WDR7: variants seen among roughly 807,000 people sequenced by gnomAD.
The protein encoded by WDR7 is WD repeat-containing protein 7.
WDR7 carries 46 observed loss-of-function variants against 169.4 expected under a neutral mutation model. The ratio of observed to expected loss-of-function variants is 0.27; its 90% CI spans 0.21 to 0.35. WDR7 has a LOEUF of 0.35. WDR7 is among the 10% of genes least tolerant of loss of function. WDR7 has a pLI of 1.00. For missense variants in WDR7, 1,534 were observed against 1,859.3 expected, an observed-to-expected ratio of 0.83 and a Z score of 3.22; for synonymous variants, 612 against 666.8, an observed-to-expected ratio of 0.92 and a Z score of 1.27.
chr18:56,759,552 A>C (rs372250464), intron 16 of WDR7, among the ~76,000 whole-genome samples: 1 of 152,196 alleles, frequency 6.6e-6, no homozygotes, highest in Non-Finnish European at 1.5e-5. Flanking sequence ...ATGTATCTGC[A>C]TATATCTTTT....
intron 20 of WDR7, among the ~76,000 whole-genome samples, chr18:56,818,323 AGATAGCATTACAGTATAT>A (rs1428920742): frequency 6.6e-6 from 1 of 152,262 alleles, no homozygotes; most frequent in Admixed American, 6.5e-5. Context: ...CAAAGTCATG[AGATAGCATTACAGTATAT>A]GATTTTTTAA....
chr18:56,795,401 T>G (rs778081509), intron 19 of WDR7, among the ~76,000 whole-genome samples: 1 of 152,218 alleles, frequency 6.6e-6, no homozygotes, highest in Non-Finnish European at 1.5e-5. Flanking sequence ...TCACTGTTGC[T>G]TGCCTTTTTG....
chr18:56,838,465 A>T (rs1244649044), intron 20 of WDR7, among the ~76,000 whole-genome samples: 1 of 152,234 alleles, frequency 6.6e-6, no homozygotes, highest in African/African-American at 2.4e-5. Flanking sequence ...TATGGACACA[A>T]AATCTTTAGT....
chr18:56,890,490 C>T (rs766637806), intron 21 of WDR7, among the ~76,000 whole-genome samples: 22 of 152,110 alleles, frequency 1.4e-4, no homozygotes, highest in Non-Finnish European at 2.5e-4. Flanking sequence ...ACGACAATGC[C>T]ACAGAATTGC....
At chr18:56,719,571 A>ACAACAACAAC (rs1369335558) in intron 13 of WDR7, among the ~76,000 whole-genome samples, 1 of 146,856 alleles carries the variant, frequency 6.8e-6, no homozygotes, top group Admixed American at 6.6e-5. Flanking sequence ...CAAAAAAAAA[A>ACAACAACAAC]AAAAAAAACA....
chr18:56,682,957 T>C, intron 5 of WDR7, 104 bp downstream of exon 5: 1 of 1,250,042 alleles, frequency 8.0e-7, no homozygotes, highest in Non-Finnish European at 1.1e-6. Flanking sequence ...GGATATATTC[T>C]TCTATGTAAG....
At chr18:56,997,246 A>G (rs1272860123) in intron 26 of WDR7, among the ~76,000 whole-genome samples, 1 of 152,234 alleles carries the variant, frequency 6.6e-6, no homozygotes, top group Non-Finnish European at 1.5e-5. Context: ...CTATGATTTG[A>G]TCAATAATCT....
chr18:56,782,896 T>C (rs2044341007), intron 19 of WDR7, among the ~76,000 whole-genome samples: 1 of 152,164 alleles, frequency 6.6e-6, no homozygotes, highest in South Asian at 2.1e-4. Flanking sequence ...ATAATAGGAC[T>C]TTATAGGGTT....
In WDR7 at chr18:56,686,961, C is replaced by G. The variant is rs374209553; in HGVS notation, c.704C>G (p.Ser235Cys). 55 of 1,608,900 alleles carry G rather than the reference C, an allele frequency of 3.4e-5. No homozygotes were observed. Among genetic ancestry groups the G allele is most frequent in the Non-Finnish European group, 4.5e-5 (53 of 1,176,770 alleles). Residue 235 changes from serine to cysteine, a missense_variant, in exon 7 of 28, where the codon TCC becomes TGC. Ser to Cys is a moderately radical substitution (Grantham distance 112). Transcript: ENST00000254442. ...CAAAGGTCACTTTTGGTTGTGTGTT[C>G]CAAATATTGGAGGGTAAGATAATTA... The part of the protein sequence containing the change: ...FTQRSLLVVC[S>C]KYWRVFDAGD...
intron 14 of WDR7, among the ~76,000 whole-genome samples, chr18:56,734,231 A>G (rs1394563678): frequency 6.6e-6 from 1 of 152,112 alleles, no homozygotes; most frequent in Non-Finnish European, 1.5e-5. Context: ...TCAGTGTTCT[A>G]ACCCATCCTG....
intron 20 of WDR7, among the ~76,000 whole-genome samples, chr18:56,857,149 T>A (rs2045733147): frequency 6.6e-6 from 1 of 152,246 alleles, no homozygotes; most frequent in African/African-American, 2.4e-5. Flanking sequence ...TACCTTTCTG[T>A]GTTTTTTATA....
chr18:56,770,530 T>C (rs1480659545), intron 16 of WDR7, among the ~76,000 whole-genome samples: 1 of 152,210 alleles, frequency 6.6e-6, no homozygotes, highest in African/African-American at 2.4e-5. Context: ...TTTTTGACTT[T>C]TTGATTTGAG....
intron 13 of WDR7, among the ~76,000 whole-genome samples, chr18:56,728,955 G>A (rs12454362): frequency 0.43 from 64,641 of 151,926 alleles, 14,016 homozygotes; most frequent in East Asian, 0.67. Context: ...TCTGACATGG[G>A]CTCCTACCTT....
Position 56,679,458 on chromosome 18 carries a change from C to A in WDR7, c.266+20C>A. 1 of 1,570,148 alleles carries A rather than the reference C, an allele frequency of 6.4e-7. No homozygotes were observed. The highest frequency in any genetic ancestry group is 8.7e-7 in the Non-Finnish European group (1 of 1,144,260). On this transcript the variant is annotated intron_variant, in intron 3 of 27. Coordinates refer to ENST00000254442, the MANE Select transcript of WDR7 (RefSeq NM_015285.3). Reference sequence around the variant, plus strand: ...AAGTGGGTAAGTATTTTCTCATTTGCCTCTTTTTCTCATGAGTCTTTATAA... The same window carrying A: ...AAGTGGGTAAGTATTTTCTCATTTGACTCTTTTTCTCATGAGTCTTTATAA...
intron 20 of WDR7, chr18:56,872,855 T>C (rs1043320321): frequency 6.6e-6 from 1 of 152,214 alleles, no homozygotes; most frequent in African/African-American, 2.4e-5. Context: ...AAAGGTTTAC[T>C]TTTACAGAAT....
chr18:56,872,517 A>T (rs1219079898), intron 20 of WDR7, among the ~76,000 whole-genome samples: 1 of 152,196 alleles, frequency 6.6e-6, no homozygotes, highest in African/African-American at 2.4e-5. Context: ...TTTGAAGAAC[A>T]CTCTGTCAAG....
Position 56,757,105 on chromosome 18 carries a change from T to C in WDR7, c.2512T>C (p.Leu838=), listed in dbSNP as rs931270907. The C allele has an allele frequency of 2.2e-5, 35 of 1,614,000 alleles. No individual in the cohort carries two copies. Among genetic ancestry groups the C allele is most frequent in the Non-Finnish European group, 2.7e-5 (32 of 1,180,012 alleles). ...KPHCTVSFGL[L]SRGGHMSLML... is the part of the protein sequence containing the mutation. Reference sequence around the variant, plus strand: ...CCACTGCACCGTATCGTTTGGCCTCTTGTCAAGAGGAGGCCATATGTCACT... The same window carrying C: ...CCACTGCACCGTATCGTTTGGCCTCCTGTCAAGAGGAGGCCATATGTCACT... The change falls in exon 15 of 28, where the codon TTG becomes CTG. Residue 838 remains leucine, a synonymous_variant. Coordinates refer to ENST00000254442, the MANE Select transcript of WDR7 (RefSeq NM_015285.3).
rs558638180 is a variant in WDR7, at chr18:56,752,118, C to T, written c.1990-4465C>T. On this transcript the variant is annotated intron_variant, in intron 14 of 27. Transcript: ENST00000254442. The stretch of plus-strand genomic sequence containing the variant: ...GTCTGGGGTGCTCATTAGATTCTGA[C>T]GCGTTCCTAAAGATACTGGTTCAGG... 5.3e-5 allele frequency among the ~76,000 whole-genome samples: 8 copies of T among 152,280 alleles called. No individual in the cohort carries two copies. The South Asian group carries it at 6.2e-4, about 12-fold the overall frequency.
chr18:56,916,271 C>G (rs922297904), intron 21 of WDR7, among the ~76,000 whole-genome samples: 1 of 151,442 alleles, frequency 6.6e-6, no homozygotes, highest in Non-Finnish European at 1.5e-5. Flanking sequence ...TCCCCCCTCC[C>G]GCCACCCCAC....
Sources: allele counts gnomAD v4.1 joint callset (sites outside exome capture counted in the v4.1 genomes callset), GRCh38; gene constraint gnomAD v4.1.1; transcripts MANE v1.5; gene names NCBI Gene and HGNC (gene_info 2026-07-23, HGNC 2026-07-21).